The following SCN3A variants were observed in gnomAD, a reference collection of about 807,000 sequenced individuals.
SCN3A encodes the protein sodium channel protein type 3 subunit alpha.
A neutral mutation model predicts 187.6 loss-of-function variants in SCN3A; 60 were observed. That is an observed-to-expected ratio of 0.32 (90% CI 0.26 to 0.40). The LOEUF is 0.40. Ranked by LOEUF, SCN3A falls within the 10% of genes least tolerant of loss-of-function variation. The probability of loss-of-function intolerance (pLI) is 1.00; values close to 1 mark genes in which losing one functional copy is unlikely to be tolerated. For synonymous variants in SCN3A, 788 were observed against 829.2 expected, an observed-to-expected ratio of 0.95 and a Z score of 0.85; for missense variants, 1,601 against 2,428.2, an observed-to-expected ratio of 0.66 and a Z score of 7.16.
chr2:165,121,288 T>C (rs1686663105), intron 18 of SCN3A, among the ~76,000 whole-genome samples: 1 of 152,172 alleles, frequency 6.6e-6, no homozygotes, highest in African/African-American at 2.4e-5. Flanking sequence ...CACAAAGTCA[T>C]GTCCAGAAGG....
chr2:165,152,652 T>C (rs980885982), intron 11 of SCN3A, among the ~76,000 whole-genome samples: 2 of 152,292 alleles, frequency 1.3e-5, no homozygotes, highest in South Asian at 4.1e-4. Context: ...CGCCACACTG[T>C]CTTCCACAAT....
intron 16 of SCN3A, 109 bp downstream of exon 16, chr2:165,131,135 T>C: frequency 1.7e-6 from 1 of 585,282 alleles, no homozygotes; most frequent in Non-Finnish European, 2.5e-6. Context: ...GAATGTCACA[T>C]ATTGATGTAA....
Position 165,162,255 on chromosome 2 carries a change from T to TG in SCN3A, c.1031+52_1031+53insC, listed in dbSNP as rs1689445253. On this transcript the variant is annotated intron_variant, in intron 9 of 27. Coordinates refer to ENST00000283254, the MANE Select transcript of SCN3A (RefSeq NM_006922.4). ...ACCATGTAGTTGTTTTCCTACCTAC[T>TG]TTTTTTTTTCGCAAAGAGTTCTATA... 5.7e-6 allele frequency: 7 copies of TG among 1,220,370 alleles called. No homozygotes were observed. In the Admixed American group the frequency reaches 1.6e-4, roughly 28 times the overall value. The allele number at this position is 1,220,370 out of a possible 1,614,324, so 75.6% of individuals were successfully genotyped here. A position where few individuals can be genotyped will look rare whatever the true frequency, so the allele number is the denominator to read the frequency against.
intron 2 of SCN3A, 117 bp from the exon 3 acceptor site, chr2:165,176,561 T>G: frequency 1.4e-6 from 1 of 737,518 alleles, no homozygotes; most frequent in Non-Finnish European, 2.3e-6. Flanking sequence ...AAGTCATGCT[T>G]TTAGTACTGC....
chr2:165,109,184 G>C (rs1478824569), intron 21 of SCN3A, among the ~76,000 whole-genome samples: 1 of 151,942 alleles, frequency 6.6e-6, no homozygotes, highest in African/African-American at 2.4e-5. Context: ...TTACTGGCTG[G>C]TTCTCCTTTG....
chr2:165,180,993 C>T (rs1310298625), intron 2 of SCN3A, among the ~76,000 whole-genome samples: 1 of 151,982 alleles, frequency 6.6e-6, no homozygotes, highest in Non-Finnish European at 1.5e-5. Flanking sequence ...TTCTTATTAA[C>T]TAATAATAAG....
intron 5 of SCN3A, among the ~76,000 whole-genome samples, chr2:165,166,542 A>G (rs897668791): frequency 2.6e-5 from 4 of 152,234 alleles, no homozygotes; most frequent in African/African-American, 7.2e-5. Flanking sequence ...AATGCAGTCT[A>G]TAGAAGTGCC....
intron 21 of SCN3A, among the ~76,000 whole-genome samples, chr2:165,112,532 T>C (rs1254074434): frequency 2.6e-5 from 4 of 152,118 alleles, no homozygotes; most frequent in African/African-American, 9.7e-5. Context: ...CTTGGAGATG[T>C]TTGTTTGTTT....
At chr2:165,115,385 A>T (rs575392512) in intron 19 of SCN3A, 70 bp downstream of exon 19, 54 of 1,574,498 alleles carry the variant, frequency 3.4e-5, no homozygotes, top group South Asian at 9.0e-5. Context: ...TTTTTTTTTT[A>T]AATGAGGCAT....
chr2:165,154,392 CTA>C, intron 11 of SCN3A, 58 bp downstream of exon 11: 1 of 1,548,174 alleles, frequency 6.5e-7, no homozygotes, highest in Non-Finnish European at 8.9e-7. Flanking sequence ...TAGTATAACA[CTA>C]TTTCTACTTA....
chr2:165,137,876 T>C lies in SCN3A; in HGVS notation c.2391+3A>G, dbSNP rs369416840. ...TAAATAAGTAAACTTCAAATGTACT[T>C]ACCAGGTTTCCTACAGTCAACACAC... On this transcript the variant is annotated splice_donor_region_variant and intron_variant, in intron 15 of 27. Transcript: ENST00000283254. 29 of 1,594,744 alleles carry C rather than the reference T, an allele frequency of 1.8e-5. No individual in the cohort carries two copies. The African/African-American group carries it at 3.1e-4, about 17-fold the overall frequency.
Position 165,092,702 on chromosome 2 carries a change from A to G in SCN3A, c.4537-178T>C. On this transcript the variant is annotated intron_variant, in intron 26 of 27. Coordinates refer to ENST00000283254, the MANE Select transcript of SCN3A (RefSeq NM_006922.4). This position sits in a 1 kb window ranked among gnomAD's most constrained non-coding sequence, Gnocchi z 4.2. ...GTTAAAAAAAATGGAAAAAAAATTT[A>G]TATAGCTAAACAAAGCATATTTGGT... 4.8e-6 allele frequency: 3 copies of G among 626,452 alleles called. No homozygotes were observed. Among genetic ancestry groups the G allele is most frequent in the South Asian group, 4.1e-5 (2 of 48,876 alleles). The allele number at this position is 626,452 out of a possible 1,614,324, so 38.8% of individuals were successfully genotyped here. A position where few individuals can be genotyped will look rare whatever the true frequency, so the allele number is the denominator to read the frequency against.
chr2:165,098,971 A>G (rs1239742525), intron 22 of SCN3A, among the ~76,000 whole-genome samples: 1 of 152,216 alleles, frequency 6.6e-6, no homozygotes, highest in African/African-American at 2.4e-5. Context: ...TTGAAATTGT[A>G]TAGTAATTTT....
At chr2:165,091,449 G>A (rs956110688) in intron 27 of SCN3A, 104 bp from the exon 28 acceptor site, 3 of 1,347,080 alleles carry the variant, frequency 2.2e-6, no homozygotes, top group African/African-American at 1.4e-5. Context: ...TTATGAATAT[G>A]AGCCTTTATT....
chr2:165,130,378 AACCAC>A, intron 16 of SCN3A, 82 bp from the exon 17 acceptor site: 2 of 1,421,004 alleles, frequency 1.4e-6, no homozygotes, highest in Non-Finnish European at 2.0e-6. Flanking sequence ...GGTATCATAG[AACCAC>A]ACGTGGTAGA....
intron 3 of SCN3A, among the ~76,000 whole-genome samples, chr2:165,175,873 A>G (rs1690418028): frequency 6.6e-6 from 1 of 152,168 alleles, no homozygotes; most frequent in Admixed American, 6.5e-5. Flanking sequence ...ATTAATTTTA[A>G]TTTTGACTAT....
chr2:165,143,157 GA>G (rs1688115146), intron 12 of SCN3A, among the ~76,000 whole-genome samples: 1 of 152,156 alleles, frequency 6.6e-6, no homozygotes, highest in African/African-American at 2.4e-5. Flanking sequence ...GGAAGTAGCA[GA>G]TAGGACTCTG....
intron 15 of SCN3A, 134 bp downstream of exon 15, chr2:165,137,745 A>G: frequency 1.3e-6 from 1 of 746,880 alleles, no homozygotes; most frequent in African/African-American, 1.7e-5. Flanking sequence ...TCCCTGTAAT[A>G]TTCCTTAGAT....
At chr2:165,114,384 G>A (rs908604705) in intron 19 of SCN3A, among the ~76,000 whole-genome samples, 7 of 152,100 alleles carry the variant, frequency 4.6e-5, no homozygotes, top group African/African-American at 1.7e-4. Context: ...AGAAAATCTC[G>A]CTGTCTTCCC....
Sources: allele counts gnomAD v4.1 joint callset (sites outside exome capture counted in the v4.1 genomes callset), GRCh38; gene constraint gnomAD v4.1.1; non-coding constraint Gnocchi (gnomAD v3.1); transcripts MANE v1.5; gene names NCBI Gene and HGNC (gene_info 2026-07-23, HGNC 2026-07-21).